Variants in RNF150 observed in about 807,000 individuals in gnomAD.
RNF150 encodes the protein ring finger protein 150.
Under a neutral mutation model 39.3 loss-of-function variants are expected in RNF150, and 24 were observed. The ratio of observed to expected loss-of-function variants is 0.61; its 90% confidence interval spans 0.44 to 0.86. The LOEUF is 0.86. Among genes scored for constraint, RNF150 ranks in the 40% least tolerant of loss-of-function variants. The probability of loss-of-function intolerance (pLI) is 0.00; values close to 1 mark genes in which losing one functional copy is unlikely to be tolerated. For synonymous variants in RNF150, 255 were observed against 227.3 expected (o/e 1.12, Z -1.10); for missense variants, 502 against 587.8 (o/e 0.85, Z 1.51).
At chr4:141,192,214 TTC>T (rs892477446) in intron 1 of RNF150, among the ~76,000 whole-genome samples, 25 of 152,300 alleles carry the variant, frequency 1.6e-4, no homozygotes, top group African/African-American at 5.3e-4. Flanking sequence ...ATTAATTTGA[TTC>T]TCTCTCCATT....
At chr4:140,918,512 A>G (rs192404351) in intron 5 of RNF150, among the ~76,000 whole-genome samples, 2 of 152,304 alleles carry the variant, frequency 1.3e-5, no homozygotes, top group Admixed American at 6.5e-5. Flanking sequence ...GAATAGACCA[A>G]TAACAGGCTC....
chr4:141,183,301 C>T (rs1169924189), intron 1 of RNF150, among the ~76,000 whole-genome samples: 1 of 152,006 alleles, frequency 6.6e-6, no homozygotes, highest in East Asian at 1.9e-4. Flanking sequence ...GTATGGTAGG[C>T]AGAATTCTAA....
chr4:141,148,779 T>G (rs1727245552), intron 1 of RNF150, among the ~76,000 whole-genome samples: 1 of 152,330 alleles, frequency 6.6e-6, no homozygotes, highest in Admixed American at 6.5e-5. Context: ...CTGTTTCTTT[T>G]TTTTCCAGGT....
At chr4:140,937,016 C>CTA (rs1359865131) in intron 4 of RNF150, among the ~76,000 whole-genome samples, 19 of 152,070 alleles carry the variant, frequency 1.2e-4, no homozygotes, top group Non-Finnish European at 1.3e-4. Flanking sequence ...CAATCATTAC[C>CTA]ACCTTTCAGG....
At chr4:141,146,893 CA>C (rs1198174792) in intron 1 of RNF150, among the ~76,000 whole-genome samples, 4 of 152,196 alleles carry the variant, frequency 2.6e-5, no homozygotes, top group African/African-American at 9.7e-5. Flanking sequence ...AGATAGGACT[CA>C]AACAGATGGC....
chr4:140,943,944 T>C (rs1317968570), intron 4 of RNF150, among the ~76,000 whole-genome samples: 1 of 152,222 alleles, frequency 6.6e-6, no homozygotes, highest in Non-Finnish European at 1.5e-5. Context: ...TTTATAGGAA[T>C]GCAGGGAAAC....
At position 141,167,666 on chromosome 4, in the gene RNF150, A is replaced by T. The variant is rs1262938877; in HGVS notation, c.-6+45128T>A. Among the ~76,000 whole-genome samples the T allele has an allele frequency of 2.0e-5, 3 of 152,348 alleles. No homozygotes were observed. In the East Asian group the frequency reaches 5.8e-4, roughly 29 times the overall value. The stretch of plus-strand genomic sequence containing the variant: ...CACTTACAACCATTTGGTCTTTGAC[A>T]AACCTGACAAAAAGAAACAATGGGG... On this transcript the variant is annotated intron_variant, in intron 1 of 7. Coordinates refer to the RNF150 transcript ENST00000420921.
chr4:140,897,162 G>A (rs1343918317), intron 6 of RNF150, among the ~76,000 whole-genome samples: 1 of 152,168 alleles, frequency 6.6e-6, no homozygotes, highest in Admixed American at 6.5e-5. Context: ...TCAAGGCAGA[G>A]TAAACAAGAA....
At chr4:140,869,647 C>G (rs1728852998) in intron 6 of RNF150, among the ~76,000 whole-genome samples, 1 of 152,142 alleles carries the variant, frequency 6.6e-6, no homozygotes, top group Non-Finnish European at 1.5e-5. Flanking sequence ...ATTACAGGAG[C>G]AGGTAAGAGG....
chr4:141,098,626 T>C (rs1173200683), intron 1 of RNF150, among the ~76,000 whole-genome samples: 1 of 152,254 alleles, frequency 6.6e-6, no homozygotes, highest in African/African-American at 2.4e-5. Flanking sequence ...CCAATGCCTA[T>C]ATTCTGGTTC....
intron 1 of RNF150, among the ~76,000 whole-genome samples, chr4:141,097,110 CTATT>C (rs1158581333): frequency 6.6e-6 from 1 of 152,170 alleles, no homozygotes; most frequent in Non-Finnish European, 1.5e-5. Context: ...CAATATCAAA[CTATT>C]ATTTACCAAA....
intron 1 of RNF150, among the ~76,000 whole-genome samples, chr4:141,094,203 T>A (rs1198529449): frequency 6.6e-6 from 1 of 152,148 alleles, no homozygotes; most frequent in African/African-American, 2.4e-5. Context: ...AGAGGCAATA[T>A]CCTCAGGTAA....
chr4:141,119,722 C>G (rs1051383773), intron 1 of RNF150, among the ~76,000 whole-genome samples: 1 of 152,196 alleles, frequency 6.6e-6, no homozygotes, highest in African/African-American at 2.4e-5. Context: ...CATCCCTGAA[C>G]AGAAGCCCAA....
intron 1 of RNF150, among the ~76,000 whole-genome samples, chr4:141,197,440 ATTTGTAACTTATTGTATT>A (rs1184386546): frequency 6.6e-6 from 1 of 152,158 alleles, no homozygotes; most frequent in Non-Finnish European, 1.5e-5. Context: ...AATAGTTTTT[ATTTGTAACTTATTGTATT>A]TTAAGATAAA....
chr4:141,115,313 T>A (rs1293564194), intron 1 of RNF150, among the ~76,000 whole-genome samples: 1 of 152,134 alleles, frequency 6.6e-6, no homozygotes, highest in Non-Finnish European at 1.5e-5. Flanking sequence ...ACAAAATCAA[T>A]ATGCAAAAAT....
At chr4:140,913,935 T>C (rs1237051731) in intron 5 of RNF150, among the ~76,000 whole-genome samples, 4 of 152,212 alleles carry the variant, frequency 2.6e-5, no homozygotes, top group African/African-American at 9.6e-5. Flanking sequence ...CAGGTGTTTA[T>C]TAAGCAAAAC....
intron 1 of RNF150, among the ~76,000 whole-genome samples, chr4:141,058,944 T>C (rs1737102182): frequency 6.6e-6 from 1 of 152,214 alleles, no homozygotes; most frequent in Non-Finnish European, 1.5e-5. Flanking sequence ...GTTGGCTGGA[T>C]GACTGTGTTA....
intron 1 of RNF150, among the ~76,000 whole-genome samples, chr4:141,061,898 A>G (rs1254505556): frequency 6.6e-6 from 1 of 152,330 alleles, no homozygotes. Flanking sequence ...ACTAAATTTC[A>G]AAATTGAAGG....
intron 1 of RNF150, among the ~76,000 whole-genome samples, chr4:141,000,017 G>GAA (rs1560679011): frequency 0.017 from 573 of 33,386 alleles, 40 homozygotes; most frequent in African/African-American, 0.02. Context: ...AGAAGAAGAA[G>GAA]AAGAAGAAGA....
Sources: gnomAD v4.1 joint callset for allele counts (sites outside exome capture counted in the v4.1 genomes callset) on GRCh38, gnomAD v4.1.1 for gene constraint, MANE v1.5 for transcripts, NCBI Gene and HGNC (gene_info 2026-07-23, HGNC 2026-07-21) for gene names.